Variants in SLC35D4 observed in about 807,000 individuals in gnomAD.
SLC35D4 encodes the protein UDP-N-acetylglucosamine transporter SLC35D4.
chr18:23,365,445 T>C, the SLC35D4 span, among the ~76,000 whole-genome samples: 1 of 152,124 alleles, frequency 6.6e-6, no homozygotes, highest in Non-Finnish European at 1.5e-5. Context: ...CAAGAAGGGG[T>C]AAGAATAAAT....
At chr18:23,352,217 T>C in the SLC35D4 span, 2 of 1,612,348 alleles carry the variant, frequency 1.2e-6, no homozygotes, top group Non-Finnish European at 1.7e-6. Flanking sequence ...AAATCCAGGC[T>C]GCACACTGCC....
the SLC35D4 span, among the ~76,000 whole-genome samples, chr18:23,319,063 C>T: frequency 2.1e-4 from 32 of 151,790 alleles, no homozygotes; most frequent in South Asian, 5.6e-3. Flanking sequence ...AGGCTGGTCT[C>T]GACCTCCTGA....
chr18:23,365,760 T>A, the SLC35D4 span: 1 of 1,441,360 alleles, frequency 6.9e-7, no homozygotes, highest in Non-Finnish European at 9.6e-7. Flanking sequence ...TAGTTAAATA[T>A]GCCTAAAAGC....
the SLC35D4 span, among the ~76,000 whole-genome samples, chr18:23,419,282 T>TTTCTTTTTG: frequency 5.6e-5 from 8 of 143,574 alleles, no homozygotes. Flanking sequence ...GTCTTTAAAA[T>TTTCTTTTTG]TTCTTTTTTT....
the SLC35D4 span, among the ~76,000 whole-genome samples, chr18:23,380,192 A>C: frequency 2.6e-5 from 4 of 152,182 alleles, no homozygotes; most frequent in Non-Finnish European, 5.9e-5. Flanking sequence ...GGCTACTCAC[A>C]CTGCCAGGTG....
the SLC35D4 span, among the ~76,000 whole-genome samples, chr18:23,302,468 C>CATCCT: frequency 6.6e-6 from 1 of 152,180 alleles, no homozygotes; most frequent in Non-Finnish European, 1.5e-5. Flanking sequence ...TCCTACAAGG[C>CATCCT]ACAGAACAAC....
chr18:23,253,707 C>G, the SLC35D4 span: 1 of 1,606,112 alleles, frequency 6.2e-7, no homozygotes, highest in Non-Finnish European at 8.5e-7. Flanking sequence ...AAGACTGTTC[C>G]CTCTTGCCTG....
At chr18:23,362,680 A>G in the SLC35D4 span, among the ~76,000 whole-genome samples, 2 of 152,230 alleles carry the variant, frequency 1.3e-5, no homozygotes, top group African/African-American at 4.8e-5. Flanking sequence ...AGCAGCATTT[A>G]AAAAGAAAAA....
chr18:23,310,648 G>T, the SLC35D4 span, among the ~76,000 whole-genome samples: 2 of 152,028 alleles, frequency 1.3e-5, no homozygotes, highest in African/African-American at 4.8e-5. Context: ...TCCCTCAAGG[G>T]GATTTCATGT....
the SLC35D4 span, among the ~76,000 whole-genome samples, chr18:23,316,648 A>G: frequency 7.0e-6 from 1 of 142,312 alleles, no homozygotes; most frequent in African/African-American, 3.0e-5. Flanking sequence ...GGGATTGAGA[A>G]CACAGATGAG....
chr18:23,306,318 T>C, the SLC35D4 span, among the ~76,000 whole-genome samples: 2 of 152,124 alleles, frequency 1.3e-5, no homozygotes, highest in African/African-American at 4.8e-5. Flanking sequence ...TTCTTATTTT[T>C]TTTTTGAGAT....
At chr18:23,277,040 T>TC in the SLC35D4 span, among the ~76,000 whole-genome samples, 23 of 152,346 alleles carry the variant, frequency 1.5e-4, no homozygotes, top group African/African-American at 5.1e-4. Flanking sequence ...ATTTCTTTTT[T>TC]CTCATGAGTC....
chr18:23,422,659 C>G, the SLC35D4 span, among the ~76,000 whole-genome samples: 4 of 152,232 alleles, frequency 2.6e-5, no homozygotes, highest in Admixed American at 1.3e-4. Context: ...TTGAGCTACT[C>G]GCTTGTTTTA....
the SLC35D4 span, among the ~76,000 whole-genome samples, chr18:23,387,142 C>A: frequency 1.3e-5 from 2 of 152,232 alleles, no homozygotes; most frequent in East Asian, 1.9e-4. Flanking sequence ...GAACTCCTGG[C>A]CTCAAGTGAT....
the SLC35D4 span, among the ~76,000 whole-genome samples, chr18:23,307,725 G>A: frequency 1.1e-4 from 17 of 152,234 alleles, no homozygotes; most frequent in African/African-American, 4.1e-4. Context: ...CCTCCCTTGT[G>A]AGTCACGGGC....
the SLC35D4 span, among the ~76,000 whole-genome samples, chr18:23,392,132 T>C: frequency 6.6e-6 from 1 of 152,102 alleles, no homozygotes; most frequent in East Asian, 1.9e-4. Flanking sequence ...GAGACGGGGT[T>C]TTGCCACGTT....
the SLC35D4 span, among the ~76,000 whole-genome samples, chr18:23,326,719 A>ACTAATAG: frequency 6.6e-6 from 1 of 152,186 alleles, no homozygotes; most frequent in African/African-American, 2.4e-5. Context: ...ACATCTACAG[A>ACTAATAG]ACTCTCCACC....
chr18:23,351,190 T>C, the SLC35D4 span, among the ~76,000 whole-genome samples: 4 of 152,138 alleles, frequency 2.6e-5, no homozygotes, highest in Non-Finnish European at 5.9e-5. Flanking sequence ...GTGGATCATT[T>C]GAGGTCAGGA....
the SLC35D4 span, among the ~76,000 whole-genome samples, chr18:23,295,749 CTA>C: frequency 6.6e-6 from 1 of 152,152 alleles, no homozygotes; most frequent in African/African-American, 2.4e-5. Context: ...ACTGAGTTGA[CTA>C]TATTCTCCAT....
Sources: gnomAD v4.1 joint callset for allele counts (sites outside exome capture counted in the v4.1 genomes callset) on GRCh38, gnomAD v4.1.1 for gene constraint, MANE v1.5 for transcripts, NCBI Gene and HGNC (gene_info 2026-07-23, HGNC 2026-07-21) for gene names.